The following CSMD1 variants were observed in gnomAD, a reference collection of about 807,000 sequenced individuals.
CSMD1 encodes the protein CUB and Sushi multiple domains 1, also known as CUB and sushi domain-containing protein 1.
A neutral mutation model predicts 417.5 loss-of-function variants in CSMD1; 213 were observed. The observed-to-expected ratio is 0.51, with a 90% confidence interval of 0.46 to 0.57. CSMD1 has a LOEUF of 0.57. Among genes scored for constraint, CSMD1 ranks in the 20% least tolerant of loss-of-function variants. The pLI is 0.00. For synonymous variants in CSMD1, 2,862 were observed against 1,736.8 expected, an observed-to-expected ratio of 1.65 and a Z score of -16.11; for missense variants, 6,923 against 4,529.7, an observed-to-expected ratio of 1.53 and a Z score of -15.17.
intron 23 of CSMD1, among the ~76,000 whole-genome samples, chr8:3,338,985 C>T (rs1320266808): frequency 8.4e-6 from 1 of 118,360 alleles, no homozygotes; most frequent in Non-Finnish European, 1.7e-5. Context: ...TCCCTCCCCC[C>T]TCCCCCCACC....
chr8:4,492,799 T>A (rs1801772009), intron 2 of CSMD1, among the ~76,000 whole-genome samples: 1 of 152,222 alleles, frequency 6.6e-6, no homozygotes, highest in South Asian at 2.1e-4. Flanking sequence ...TTGATCCTTA[T>A]TCAGAGCACA....
chr8:4,951,536 G>T (rs1448159057), intron 1 of CSMD1, among the ~76,000 whole-genome samples: 3 of 138,872 alleles, frequency 2.2e-5, no homozygotes, highest in Non-Finnish European at 3.2e-5. Flanking sequence ...AAAGAGAAAA[G>T]AAAAGAAAAG....
chr8:3,174,806 AT>A (rs966675326), intron 37 of CSMD1, among the ~76,000 whole-genome samples: 6 of 151,626 alleles, frequency 4.0e-5, no homozygotes, highest in East Asian at 1.9e-4. Flanking sequence ...TTTCCATTAA[AT>A]TTTTTTTTAT....
chr8:3,091,504 T>C lies in CSMD1; in HGVS notation c.7285+12A>G, dbSNP rs751348857. The C allele has an allele frequency of 1.3e-6, 2 of 1,585,074 alleles. No homozygotes were observed. Among genetic ancestry groups the C allele is most frequent in the Non-Finnish European group, 1.7e-6 (2 of 1,170,614 alleles). ...AATACTTTCATATAAAATCTAAACC[T>C]CATTTACTTACCTGCATAGCGAATC... is the stretch of plus-strand genomic sequence containing the variant. On this transcript the variant is annotated intron_variant, in intron 48 of 69. Coordinates refer to ENST00000635120, the MANE Select transcript of CSMD1 (RefSeq NM_033225.6).
chr8:4,103,820 C>G (rs892833392), intron 3 of CSMD1, among the ~76,000 whole-genome samples: 4 of 152,170 alleles, frequency 2.6e-5, no homozygotes, highest in African/African-American at 9.7e-5. Flanking sequence ...TCCATGACAG[C>G]CTCTTCATAA....
intron 30 of CSMD1, among the ~76,000 whole-genome samples, chr8:3,207,439 G>A (rs1413937958): frequency 1.3e-5 from 2 of 151,762 alleles, no homozygotes; most frequent in Non-Finnish European, 2.9e-5. Context: ...CACTGAGTCC[G>A]GCCACAATGG....
chr8:3,584,523 T>G (rs1031169338), intron 9 of CSMD1, among the ~76,000 whole-genome samples: 1 of 138,428 alleles, frequency 7.2e-6, no homozygotes, highest in Non-Finnish European at 1.7e-5. Flanking sequence ...GTTTCCTAAG[T>G]GATAAGCACC....
intron 2 of CSMD1, among the ~76,000 whole-genome samples, chr8:4,433,727 A>T: frequency 6.6e-6 from 1 of 152,210 alleles, no homozygotes; most frequent in East Asian, 1.9e-4. Flanking sequence ...CTTTTGATTG[A>T]AAAATAACAT....
intron 26 of CSMD1, among the ~76,000 whole-genome samples, chr8:3,250,682 A>C (rs190249897): frequency 2.5e-4 from 38 of 152,332 alleles, no homozygotes; most frequent in African/African-American, 8.4e-4. Flanking sequence ...CCAACAGTGT[A>C]AAAGTGTTCC....
chr8:3,181,674 T>A lies in CSMD1; in HGVS notation c.5621-460A>T, dbSNP rs559027775. Reference sequence around the variant, plus strand: ...GACCCTGTATATATGCTCTTCCTGATCCCTATGTGACTCATGCTTAGTAAT... The same window carrying A: ...GACCCTGTATATATGCTCTTCCTGAACCCTATGTGACTCATGCTTAGTAAT... On this transcript the variant is annotated intron_variant, in intron 36 of 69. Transcript: ENST00000635120. 5.3e-5 allele frequency among the ~76,000 whole-genome samples: 8 copies of A among 152,304 alleles called. No homozygotes were observed. The East Asian group carries it at 1.5e-3, about 29-fold the overall frequency.
At position 4,063,565 on chromosome 8, in the gene CSMD1, A is replaced by C. The variant is rs538119460; in HGVS notation, c.416-31466T>G. Among the ~76,000 whole-genome samples, 14 of 152,294 alleles carry C rather than the reference A, an allele frequency of 9.2e-5. No individual in the cohort carries two copies. The South Asian group carries it at 2.7e-3, about 29-fold the overall frequency. On this transcript the variant is annotated intron_variant, in intron 3 of 69. Coordinates refer to ENST00000635120, the MANE Select transcript of CSMD1 (RefSeq NM_033225.6). ...AATACTCCTTAAGAACCAGCCATTA[A>C]TTTAAGCAATATTCCTTGGCACTGA...
chr8:3,193,220 G>C (rs1181030635), intron 33 of CSMD1, among the ~76,000 whole-genome samples: 1 of 152,156 alleles, frequency 6.6e-6, no homozygotes, highest in Non-Finnish European at 1.5e-5. Context: ...GAGAAATATA[G>C]CACCAAGGGT....
At chr8:3,047,213 CAAAAAAAAAAAAAA>C (rs749861179) in intron 50 of CSMD1, among the ~76,000 whole-genome samples, 5 of 73,092 alleles carry the variant, frequency 6.8e-5, no homozygotes, top group African/African-American at 2.1e-4. Flanking sequence ...GACTCCCTCT[CAAAAAAAAAAAAAA>C]AAAAAAAAAA....
chr8:4,258,388 G>T (rs866266172), intron 3 of CSMD1, among the ~76,000 whole-genome samples: 2 of 5,634 alleles, frequency 3.5e-4, no homozygotes, highest in African/African-American at 1.8e-3. Flanking sequence ...GGAGGGAGGG[G>T]AGGATGGAAG....
At chr8:3,023,846 T>G (rs1323026573) in intron 51 of CSMD1, among the ~76,000 whole-genome samples, 2 of 139,140 alleles carry the variant, frequency 1.4e-5, no homozygotes, top group African/African-American at 5.6e-5. Flanking sequence ...AAATGAACAC[T>G]GGGGAGTCAA....
intron 1 of CSMD1, among the ~76,000 whole-genome samples, chr8:4,664,212 A>G (rs540521383): frequency 6.6e-6 from 1 of 152,184 alleles, no homozygotes; most frequent in Non-Finnish European, 1.5e-5. Context: ...TCTTTGCATT[A>G]TCTTGGGGAC....
chr8:2,974,716 C>A lies in CSMD1; in HGVS notation c.8567-92G>T. On this transcript the variant is annotated intron_variant, in intron 55 of 69. Coordinates refer to ENST00000635120, the MANE Select transcript of CSMD1 (RefSeq NM_033225.6). ...CCCATACAGACACCCATACTGACAT[C>A]ATGTATTAAAGAAAAACACCTAAAT... The A allele has an allele frequency of 3.5e-6, 3 of 866,646 alleles. No individual in the cohort carries two copies. The South Asian group carries it at 1.0e-4, about 29-fold the overall frequency. The allele number at this position is 866,646 out of a possible 1,614,324, so 53.7% of individuals were successfully genotyped here.
At chr8:4,434,720 G>C (rs1003218862) in intron 2 of CSMD1, among the ~76,000 whole-genome samples, 2 of 152,142 alleles carry the variant, frequency 1.3e-5, no homozygotes, top group African/African-American at 4.8e-5. Flanking sequence ...GCCCCTGACA[G>C]TGCTCATCCG....
intron 1 of CSMD1, among the ~76,000 whole-genome samples, chr8:4,848,463 G>C (rs1225764008): frequency 3.3e-5 from 5 of 152,082 alleles, no homozygotes; most frequent in Non-Finnish European, 7.4e-5. Flanking sequence ...TGGGTTTGTT[G>C]TGATGTTGGT....
Sources: gnomAD v4.1 joint callset for allele counts (sites outside exome capture counted in the v4.1 genomes callset) on GRCh38, gnomAD v4.1.1 for gene constraint, MANE v1.5 for transcripts, NCBI Gene and HGNC (gene_info 2026-07-23, HGNC 2026-07-21) for gene names.